RPSA2: variants seen among roughly 807,000 people sequenced by gnomAD.
The protein encoded by RPSA2 is small ribosomal subunit protein uS2B.
At chr19:23,827,718 G>T in the RPSA2 span, 11 of 1,581,716 alleles carry the variant, frequency 7.0e-6, no homozygotes, top group Admixed American at 5.0e-5. Context: ...CTGCGCATGC[G>T]TGGCACCATT....
chr19:23,823,415 C>T, the RPSA2 span, among the ~76,000 whole-genome samples: 9,482 of 152,164 alleles, frequency 0.062, 322 homozygotes, highest in African/African-American at 0.07. Context: ...ATGTGGATTG[C>T]CACTAGTCCC....
At chr19:23,810,747 G>A in the RPSA2 span, among the ~76,000 whole-genome samples, 3 of 152,170 alleles carry the variant, frequency 2.0e-5, no homozygotes, top group Non-Finnish European at 4.4e-5. Flanking sequence ...ATAAATGGGT[G>A]TCTTCCTCTA....
At chr19:23,788,844 C>T in the RPSA2 span, among the ~76,000 whole-genome samples, 17,880 of 151,976 alleles carry the variant, frequency 0.12, 1,107 homozygotes, top group East Asian at 0.22. Context: ...TGACTGTCCT[C>T]GCCTACATGC....
At chr19:23,791,550 A>C in the RPSA2 span, among the ~76,000 whole-genome samples, 132 of 152,158 alleles carry the variant, frequency 8.7e-4, 1 homozygote, top group Admixed American at 2.6e-3. Flanking sequence ...AATTTTTCAC[A>C]TGTGTGCCAA....
chr19:23,774,821 C>G, the RPSA2 span, among the ~76,000 whole-genome samples: 3 of 152,136 alleles, frequency 2.0e-5, no homozygotes, highest in Non-Finnish European at 4.4e-5. Context: ...TTGAACTTAT[C>G]CCTGACTGAG....
chr19:23,834,091 G>A, the RPSA2 span, among the ~76,000 whole-genome samples: 1 of 151,950 alleles, frequency 6.6e-6, no homozygotes, highest in African/African-American at 2.4e-5. Flanking sequence ...ATCCACAGTA[G>A]AAATATCTAG....
At chr19:23,843,439 C>T in the RPSA2 span, among the ~76,000 whole-genome samples, 2 of 152,084 alleles carry the variant, frequency 1.3e-5, no homozygotes, top group African/African-American at 2.4e-5. Flanking sequence ...ATCTTTTGTC[C>T]CATACCATTA....
the RPSA2 span, among the ~76,000 whole-genome samples, chr19:23,784,845 G>T: frequency 1.3e-5 from 2 of 152,160 alleles, no homozygotes; most frequent in African/African-American, 2.4e-5. Context: ...CACATATGAG[G>T]CTGTGACTGC....
chr19:23,767,244 A>AT, the RPSA2 span, among the ~76,000 whole-genome samples: 1 of 151,958 alleles, frequency 6.6e-6, no homozygotes, highest in East Asian at 1.9e-4. Flanking sequence ...GCCCGGCCTA[A>AT]TTTTTTGTAT....
chr19:23,758,875 G>A, the RPSA2 span: 141 of 1,349,280 alleles, frequency 1.0e-4, 1 homozygote, highest in South Asian at 1.6e-3. Context: ...CCCGGAGCTC[G>A]GGCTGAAGGG....
the RPSA2 span, among the ~76,000 whole-genome samples, chr19:23,780,532 A>C: frequency 2.0e-5 from 3 of 152,074 alleles, no homozygotes; most frequent in Admixed American, 1.3e-4. Flanking sequence ...AGTCCCAGCC[A>C]CTTGGGAGGC....
At chr19:23,836,533 C>CA in the RPSA2 span, among the ~76,000 whole-genome samples, 34 of 152,258 alleles carry the variant, frequency 2.2e-4, no homozygotes, top group African/African-American at 7.5e-4. Context: ...GGTAGATACC[C>CA]AGTAGTGGGA....
At chr19:23,815,850 T>C in the RPSA2 span, among the ~76,000 whole-genome samples, 2 of 152,210 alleles carry the variant, frequency 1.3e-5, no homozygotes, top group South Asian at 4.1e-4. Flanking sequence ...TACATACAGA[T>C]AGGTAGATGG....
At chr19:23,828,201 G>A in the RPSA2 span, among the ~76,000 whole-genome samples, 11 of 149,388 alleles carry the variant, frequency 7.4e-5, no homozygotes, top group African/African-American at 2.2e-4. Context: ...GTTTATATAT[G>A]TGCTGCATTC....
At chr19:23,821,976 G>C in the RPSA2 span, among the ~76,000 whole-genome samples, 1 of 152,132 alleles carries the variant, frequency 6.6e-6, no homozygotes, top group African/African-American at 2.4e-5. Context: ...ATTCATGCCT[G>C]CAAAACCCTC....
At chr19:23,781,279 A>C in the RPSA2 span, among the ~76,000 whole-genome samples, 1 of 151,580 alleles carries the variant, frequency 6.6e-6, no homozygotes, top group South Asian at 2.1e-4. Flanking sequence ...GCCTCGGGTT[A>C]GTGACTCTGT....
At chr19:23,829,769 A>G in the RPSA2 span, among the ~76,000 whole-genome samples, 1 of 152,150 alleles carries the variant, frequency 6.6e-6, no homozygotes, top group African/African-American at 2.4e-5. Flanking sequence ...ATTATATCTT[A>G]TGTTGTATGT....
chr19:23,758,822 C>T, the RPSA2 span: 13 of 1,603,372 alleles, frequency 8.1e-6, no homozygotes, highest in Middle Eastern at 1.7e-4. Flanking sequence ...GCCATAGAGG[C>T]TGGGCCTCTA....
At chr19:23,848,744 A>C in the RPSA2 span, among the ~76,000 whole-genome samples, 1 of 152,196 alleles carries the variant, frequency 6.6e-6, no homozygotes, top group Non-Finnish European at 1.5e-5. Flanking sequence ...CAAATAACAG[A>C]CTGTCTTAAA....
Sources: allele counts gnomAD v4.1 joint callset (sites outside exome capture counted in the v4.1 genomes callset), GRCh38; gene constraint gnomAD v4.1.1; transcripts MANE v1.5; gene names NCBI Gene and HGNC (gene_info 2026-07-23, HGNC 2026-07-21).